Variants in TPO observed in about 807,000 individuals in gnomAD.
The protein encoded by TPO is thyroid peroxidase, also known as thyroid microsomal antigen.
Under a neutral mutation model 96.9 loss-of-function variants are expected in TPO, and 78 were observed. The observed-to-expected ratio is 0.81, with a 90% CI of 0.67 to 0.97. TPO has a LOEUF of 0.97. Ranked by LOEUF, TPO falls within the 50% of genes least tolerant of loss-of-function variation. The pLI is 0.00. For missense variants in TPO, 1,252 were observed against 1,274.8 expected (o/e 0.98, Z 0.27); for synonymous variants, 547 against 538.0 (o/e 1.02, Z -0.23).
intron 3 of TPO, among the ~76,000 whole-genome samples, chr2:1,427,040 C>T (rs1329252997): frequency 3.3e-5 from 5 of 152,134 alleles, no homozygotes; most frequent in Non-Finnish European, 7.4e-5. Context: ...CATCACTTCA[C>T]TTACCTGGAT....
chr2:1,442,091 A>G (rs1666250657), intron 5 of TPO, among the ~76,000 whole-genome samples: 1 of 152,314 alleles, frequency 6.6e-6, no homozygotes, highest in Non-Finnish European at 1.5e-5. Flanking sequence ...CATGTAAGAC[A>G]TGACCTGCTC....
At chr2:1,385,854 G>A (rs1420700654) in intron 1 of TPO, among the ~76,000 whole-genome samples, 1 of 152,004 alleles carries the variant, frequency 6.6e-6, no homozygotes, top group Non-Finnish European at 1.5e-5. Context: ...GGCATTTAGT[G>A]CTATAAATTT....
At chr2:1,499,362 AT>A (rs1369969429) in intron 13 of TPO, among the ~76,000 whole-genome samples, 4 of 151,946 alleles carry the variant, frequency 2.6e-5, no homozygotes, top group African/African-American at 7.3e-5. Context: ...TGTTCTTGAA[AT>A]TTTTTCATTT....
chr2:1,414,553 C>T, intron 2 of TPO, 51 bp downstream of exon 2: 1 of 1,550,260 alleles, frequency 6.5e-7, no homozygotes, highest in Non-Finnish European at 8.9e-7. Flanking sequence ...TTATTTTTCA[C>T]ACTTACTAAA....
In TPO at chr2:1,542,605, G is replaced by C; in HGVS notation, c.*131G>C. ...CCAACACGGGTAAATCTAGTACCAT[G>C]TCGTAGTTACTCTCAGGCATGGATG... On this transcript the variant is annotated 3_prime_UTR_variant, in exon 17 of 17. Coordinates refer to ENST00000329066, the MANE Select transcript of TPO (RefSeq NM_001206744.2). 6.4e-7 allele frequency: 1 copy of C among 1,555,400 alleles called. No homozygotes were observed.
chr2:1,440,512 G>A (rs190696503), intron 5 of TPO, among the ~76,000 whole-genome samples: 69 of 152,086 alleles, frequency 4.5e-4, no homozygotes, highest in Admixed American at 3.4e-3. Flanking sequence ...TGGTGTAGTC[G>A]GTGCCGCAGG....
intron 9 of TPO, among the ~76,000 whole-genome samples, chr2:1,486,735 T>G (rs1671200171): frequency 6.6e-6 from 1 of 152,176 alleles, no homozygotes; most frequent in South Asian, 2.1e-4. Context: ...CCTTTCCCAG[T>G]AGTCTGTAAG....
chr2:1,443,081 A>G (rs1430466893), intron 5 of TPO, among the ~76,000 whole-genome samples: 3 of 152,192 alleles, frequency 2.0e-5, no homozygotes, highest in Non-Finnish European at 4.4e-5. Flanking sequence ...AAAACAAACA[A>G]ACAAAAAATT....
chr2:1,488,165 T>C (rs1485975473), intron 10 of TPO, among the ~76,000 whole-genome samples, 174 bp downstream of exon 10: 2 of 152,144 alleles, frequency 1.3e-5, no homozygotes, highest in Non-Finnish European at 2.9e-5. Flanking sequence ...ACTTCCAGCT[T>C]TTCTTAGAGA....
chr2:1,540,792 C>T, intron 16 of TPO, 69 bp downstream of exon 16: 3 of 1,612,312 alleles, frequency 1.9e-6, no homozygotes, highest in Non-Finnish European at 2.5e-6. Context: ...GGTGTCGGAG[C>T]AGCTCTGCTG....
intron 15 of TPO, among the ~76,000 whole-genome samples, chr2:1,528,181 CCCA>C (rs1321766962): frequency 1.4e-5 from 2 of 144,098 alleles, no homozygotes; most frequent in African/African-American, 5.3e-5. Context: ...TGAGCAAACC[CCCA>C]CATCCCCCCA....
At chr2:1,388,302 C>T (rs1661934754) in intron 1 of TPO, among the ~76,000 whole-genome samples, 1 of 152,314 alleles carries the variant, frequency 6.6e-6, no homozygotes, top group Non-Finnish European at 1.5e-5. Flanking sequence ...TGCCCTGCCC[C>T]CAGAGGTGGA....
intron 15 of TPO, among the ~76,000 whole-genome samples, chr2:1,523,555 T>A (rs2125114517): frequency 1.4e-5 from 1 of 70,480 alleles, no homozygotes; most frequent in East Asian, 4.7e-4. Context: ...CCTCCCCAAA[T>A]CCCCACCACT....
Position 1,400,941 on chromosome 2 carries a change from G to A in TPO, n.180+26539G>A, listed in dbSNP as rs551039760. Among the ~76,000 whole-genome samples, 264 of 152,280 alleles carry A rather than the reference G, an allele frequency of 1.7e-3. 1 individual carries two copies. Among genetic ancestry groups the A allele is most frequent in the South Asian group, 3.3e-3 (16 of 4,828 alleles). ...AAAATCCAGCAATACAAGTAAAAAG[G>A]ACATTCCTTTTCCAAGCCTTCCTCG... On this transcript the variant is annotated intron_variant and non_coding_transcript_variant, in intron 1 of 5. Coordinates refer to the TPO transcript ENST00000497517.
chr2:1,424,905 T>C (rs13431561), intron 3 of TPO, among the ~76,000 whole-genome samples: 962 of 55,986 alleles, frequency 0.017, 56 homozygotes, highest in East Asian at 0.041. Flanking sequence ...TTTCTAGATG[T>C]TGGGATACAG....
At chr2:1,379,556 T>C (rs1661776190) in intron 1 of TPO, among the ~76,000 whole-genome samples, 1 of 152,128 alleles carries the variant, frequency 6.6e-6, no homozygotes, top group Non-Finnish European at 1.5e-5. Context: ...TCTCAGCTCC[T>C]GTGGGTGATG....
intron 5 of TPO, among the ~76,000 whole-genome samples, chr2:1,441,773 A>G (rs1275528479): frequency 6.6e-6 from 1 of 152,186 alleles, no homozygotes; most frequent in African/African-American, 2.4e-5. Context: ...CAGAATCCCC[A>G]GGGCCTGAGG....
chr2:1,443,395 A>G (rs1458403681), intron 5 of TPO, among the ~76,000 whole-genome samples: 2 of 148,006 alleles, frequency 1.4e-5, no homozygotes, highest in Non-Finnish European at 3.0e-5. Flanking sequence ...TGTATGATCC[A>G]GTCATTGTTG....
At chr2:1,422,988 G>A in intron 2 of TPO, 57 bp from the exon 3 acceptor site, 1 of 1,576,372 alleles carries the variant, frequency 6.3e-7, no homozygotes, top group Non-Finnish European at 8.7e-7. Flanking sequence ...AAGCAACACT[G>A]TCAGTGAATC....
Sources: gnomAD v4.1 joint callset for allele counts (sites outside exome capture counted in the v4.1 genomes callset) on GRCh38, gnomAD v4.1.1 for gene constraint, MANE v1.5 for transcripts, NCBI Gene and HGNC (gene_info 2026-07-23, HGNC 2026-07-21) for gene names.